The following PRR16 variants were observed in gnomAD, a reference collection of about 807,000 sequenced individuals.
PRR16 encodes protein Largen.
In PRR16, 6 loss-of-function variants were observed where a neutral mutation model predicts 18.2. The ratio of observed to expected loss-of-function variants is 0.33; its 90% CI spans 0.18 to 0.65. The LOEUF (loss-of-function observed/expected upper bound fraction) is 0.65, where lower values mean the gene tolerates loss of function less well. Ranked by LOEUF, PRR16 falls within the 30% of genes least tolerant of loss-of-function variation. The pLI is 0.74. For synonymous variants in PRR16, 151 were observed against 147.8 expected (o/e 1.02, Z -0.16); for missense variants, 412 against 376.6 (o/e 1.09, Z -0.78).
chr5:120,697,894 T>C, the PRR16 span, among the ~76,000 whole-genome samples: 1 of 151,998 alleles, frequency 6.6e-6, no homozygotes, highest in Non-Finnish European at 1.5e-5. Flanking sequence ...TTACACTTCT[T>C]TTGTGGTGGA....
chr5:120,631,317 C>T (rs1163398906), intron 1 of PRR16, among the ~76,000 whole-genome samples: 3 of 152,030 alleles, frequency 2.0e-5, no homozygotes, highest in African/African-American at 7.2e-5. Context: ...AGGAACATAC[C>T]AGGAAAGCCA....
chr5:120,732,270 A>G, the PRR16 span, among the ~76,000 whole-genome samples: 1 of 152,198 alleles, frequency 6.6e-6, no homozygotes, highest in Admixed American at 6.5e-5. Flanking sequence ...TGGCTTACAC[A>G]TCTTCATGAG....
chr5:120,576,054 G>T (rs1753065986), intron 1 of PRR16, among the ~76,000 whole-genome samples: 1 of 152,040 alleles, frequency 6.6e-6, no homozygotes, highest in East Asian at 1.9e-4. Flanking sequence ...TTAAATGGAA[G>T]ACCCCTATAC....
intron 1 of PRR16, among the ~76,000 whole-genome samples, chr5:120,473,519 G>T (rs754278338): frequency 1.3e-5 from 2 of 152,118 alleles, no homozygotes; most frequent in African/African-American, 4.8e-5. Context: ...AGTATAGGTT[G>T]GTTATGAAGA....
intron 1 of PRR16, among the ~76,000 whole-genome samples, chr5:120,536,978 C>T (rs568139940): frequency 2.7e-4 from 41 of 152,162 alleles, no homozygotes; most frequent in Admixed American, 2.2e-3. Flanking sequence ...CACTTATAAG[C>T]GGGAGCTAAA....
At chr5:120,665,536 T>A (rs181284570) in intron 1 of PRR16, among the ~76,000 whole-genome samples, 1 of 151,702 alleles carries the variant, frequency 6.6e-6, no homozygotes, top group Non-Finnish European at 1.5e-5. Context: ...CTTGCCCATG[T>A]CTATGTCCTG....
At chr5:120,579,565 T>C (rs528337856) in intron 1 of PRR16, among the ~76,000 whole-genome samples, 1 of 152,282 alleles carries the variant, frequency 6.6e-6, no homozygotes, top group South Asian at 2.1e-4. Context: ...TGGTTGTAGA[T>C]GTGTGGTATT....
the PRR16 span, among the ~76,000 whole-genome samples, chr5:120,791,382 T>C: frequency 2.0e-5 from 3 of 152,090 alleles, no homozygotes; most frequent in African/African-American, 7.2e-5. Flanking sequence ...TTTAACATTA[T>C]AGTTATAACT....
chr5:120,520,800 C>G (rs1240120559), intron 1 of PRR16, among the ~76,000 whole-genome samples: 1 of 152,040 alleles, frequency 6.6e-6, no homozygotes, highest in Non-Finnish European at 1.5e-5. Flanking sequence ...AGGATCTATT[C>G]CACTTGGAGT....
chr5:120,596,660 A>G (rs539324392), intron 1 of PRR16, among the ~76,000 whole-genome samples: 5 of 151,894 alleles, frequency 3.3e-5, no homozygotes, highest in South Asian at 4.1e-4. Flanking sequence ...AATACAACGT[A>G]TATCATTTGT....
intron 1 of PRR16, among the ~76,000 whole-genome samples, chr5:120,566,087 T>C (rs1752728071): frequency 6.6e-6 from 1 of 152,184 alleles, no homozygotes; most frequent in African/African-American, 2.4e-5. Flanking sequence ...CTTCACAAGG[T>C]CATTAGGCCT....
At chr5:120,724,116 T>C in the PRR16 span, among the ~76,000 whole-genome samples, 1 of 151,980 alleles carries the variant, frequency 6.6e-6, no homozygotes, top group Non-Finnish European at 1.5e-5. Flanking sequence ...CTTTTCCAAC[T>C]GGCTATTAAT....
intron 1 of PRR16, among the ~76,000 whole-genome samples, chr5:120,555,959 G>C (rs1752396444): frequency 6.6e-6 from 1 of 151,436 alleles, no homozygotes. Flanking sequence ...TATTTCCATG[G>C]ACAGAAGTTG....
intron 1 of PRR16, among the ~76,000 whole-genome samples, chr5:120,534,349 C>T (rs1751647577): frequency 1.3e-5 from 2 of 152,134 alleles, no homozygotes; most frequent in South Asian, 4.1e-4. Flanking sequence ...TTATATTTTT[C>T]CTTTTATCTG....
chr5:120,498,372 T>A (rs1371192781), intron 1 of PRR16, among the ~76,000 whole-genome samples: 1 of 149,622 alleles, frequency 6.7e-6, no homozygotes, highest in African/African-American at 2.4e-5. Flanking sequence ...TATATATATA[T>A]AAAACTTACC....
downstream of PRR16, chr5:120,687,419 A>G (rs948202358): frequency 2.0e-5 from 3 of 152,242 alleles, no homozygotes; most frequent in Non-Finnish European, 4.4e-5. Flanking sequence ...CAGTGAGTGT[A>G]TATCAGAATT....
chr5:120,553,826 T>TA (rs1054761576), intron 1 of PRR16, among the ~76,000 whole-genome samples: 3 of 151,814 alleles, frequency 2.0e-5, no homozygotes, highest in African/African-American at 7.3e-5. Context: ...GAAAAAAACA[T>TA]ACTCAGATTA....
chr5:120,518,028 A>G (rs144820113), intron 1 of PRR16, among the ~76,000 whole-genome samples: 12 of 152,316 alleles, frequency 7.9e-5, no homozygotes, highest in African/African-American at 2.6e-4. Context: ...CTCTTGAGTT[A>G]CAGGATCTGG....
At chr5:120,764,293 G>A in the PRR16 span, among the ~76,000 whole-genome samples, 9 of 151,510 alleles carry the variant, frequency 5.9e-5, no homozygotes, top group South Asian at 4.2e-4. Context: ...TACCAAATGC[G>A]TTTTCTGCAT....
Sources: gnomAD v4.1 joint callset for allele counts (sites outside exome capture counted in the v4.1 genomes callset) on GRCh38, gnomAD v4.1.1 for gene constraint, MANE v1.5 for transcripts, NCBI Gene and HGNC (gene_info 2026-07-23, HGNC 2026-07-21) for gene names.